CTIF: variants seen among roughly 807,000 people sequenced by gnomAD.
CTIF encodes CBP80/20-dependent translation initiation factor.
Under a neutral mutation model 66.0 loss-of-function variants are expected in CTIF, and 21 were observed. The ratio of observed to expected loss-of-function variants is 0.32; its 90% CI spans 0.23 to 0.46. The LOEUF is 0.46. Ranked by LOEUF, CTIF falls within the 20% of genes least tolerant of loss-of-function variation. The pLI, the probability that CTIF is intolerant of heterozygous loss-of-function variation, is 1.00. For synonymous variants in CTIF, 345 were observed against 326.4 expected (o/e 1.06, Z -0.62); for missense variants, 739 against 812.7 (o/e 0.91, Z 1.10).
chr18:48,742,166 C>T (rs1187392711), intron 7 of CTIF, among the ~76,000 whole-genome samples: 2 of 152,182 alleles, frequency 1.3e-5, no homozygotes, highest in Admixed American at 1.3e-4. Context: ...TTCTCATGGG[C>T]CAGGGTGACC....
chr18:48,665,820 G>A (rs2624160), intron 5 of CTIF, among the ~76,000 whole-genome samples: 18,466 of 152,174 alleles, frequency 0.12, 1,265 homozygotes, highest in African/African-American at 0.18. Flanking sequence ...CCTTTTCATG[G>A]CTGAATACTA....
intron 6 of CTIF, among the ~76,000 whole-genome samples, chr18:48,698,294 C>T (rs1036334239): frequency 1.3e-5 from 2 of 151,970 alleles, no homozygotes; most frequent in Non-Finnish European, 2.9e-5. Context: ...TGGAACCTGT[C>T]GCAGGAGATG....
At chr18:48,654,865 A>G (rs193070326) in intron 3 of CTIF, among the ~76,000 whole-genome samples, 2 of 152,142 alleles carry the variant, frequency 1.3e-5, no homozygotes, top group African/African-American at 4.8e-5. Flanking sequence ...TGAGCAAACT[A>G]TCACAAGGAC....
At chr18:48,576,569 A>G (rs1363754296) in intron 1 of CTIF, among the ~76,000 whole-genome samples, 1 of 152,142 alleles carries the variant, frequency 6.6e-6, no homozygotes, top group East Asian at 1.9e-4. Context: ...GGGAGAAGCC[A>G]CCTCTGAATG....
intron 8 of CTIF, among the ~76,000 whole-genome samples, chr18:48,758,755 AT>A (rs1908670143): frequency 6.6e-6 from 1 of 152,132 alleles, no homozygotes. Context: ...AGGGTTAGAT[AT>A]TGTTTGTGCT....
chr18:48,662,880 CCACGG>C (rs1054351378), intron 3 of CTIF, among the ~76,000 whole-genome samples: 17 of 152,054 alleles, frequency 1.1e-4, no homozygotes, highest in African/African-American at 4.1e-4. Context: ...TGTGAACATA[CCACGG>C]TTTATTTATC....
rs2277711 is a variant in CTIF, at chr18:48,636,531, C to G, written c.181-83C>G. ...CCACAGTCATGCTAATGGGGAAGGCCAGGGCACAACTCCTGCAGCCTGGCA... is the reference window on the plus strand; with the variant it reads ...CCACAGTCATGCTAATGGGGAAGGCGAGGGCACAACTCCTGCAGCCTGGCA... On this transcript the variant is annotated intron_variant, in intron 2 of 11. Coordinates refer to ENST00000256413, the MANE Select transcript of CTIF (RefSeq NM_014772.3). The G allele has an allele frequency of 2.7e-4, 280 of 1,029,294 alleles. 1 individual carries two copies. In the East Asian group the frequency reaches 6.1e-3, roughly 22 times the overall value. 63.8% of individuals were successfully genotyped at this position (1,029,294 alleles called of 1,614,324 possible).
chr18:48,699,392 A>ATGGGGCTGGGGCTGGGGCTGGGGC (rs61519043), intron 6 of CTIF, among the ~76,000 whole-genome samples: 27 of 104,636 alleles, frequency 2.6e-4, no homozygotes, highest in South Asian at 7.6e-4. Context: ...AAGTGCCAGC[A>ATGGGGCTGGGGCTGGGGCTGGGGC]TGGGGCTGGG....
In CTIF at chr18:48,789,345, G is replaced by A. The variant is rs2067742869; in HGVS notation, c.1371+27656G>A. ...GTTTCCTCACTGGTAAGATGAGGAT[G>A]GTAATAATGATTGGGTTGGATTGCT... On this transcript the variant is annotated intron_variant, in intron 9 of 11. Coordinates refer to ENST00000256413, the MANE Select transcript of CTIF (RefSeq NM_014772.3). 4.6e-5 allele frequency among the ~76,000 whole-genome samples: 7 copies of A among 151,874 alleles called. No homozygotes were observed. The South Asian group carries it at 1.5e-3, about 31-fold the overall frequency.
intron 6 of CTIF, among the ~76,000 whole-genome samples, chr18:48,694,286 A>G (rs2091974807): frequency 6.6e-6 from 1 of 152,256 alleles, no homozygotes; most frequent in South Asian, 2.1e-4. Context: ...ATTCCTGCCC[A>G]AGGACAATGG....
At chr18:48,547,953 A>T (rs1045283739) in intron 1 of CTIF, among the ~76,000 whole-genome samples, 1 of 152,158 alleles carries the variant, frequency 6.6e-6, no homozygotes, top group Admixed American at 6.5e-5. Flanking sequence ...GCTTATAAGT[A>T]AGTAACTTGG....
rs2092236990 is a variant in CTIF at position 48,712,538 on chromosome 18, C to T, written c.584+843C>T. 6.6e-5 allele frequency among the ~76,000 whole-genome samples: 10 copies of T among 151,814 alleles called. No homozygotes were observed. In the South Asian group the frequency reaches 2.1e-3, roughly 32 times the overall value. ...ATAAATTATTTCTGGATGGAAATAC[C>T]AAAAAAAGAACGAACAAAAAGGCTT... On this transcript the variant is annotated intron_variant, in intron 7 of 11. Transcript: ENST00000256413.
intron 6 of CTIF, among the ~76,000 whole-genome samples, chr18:48,675,688 GACA>G (rs2091616602): frequency 6.6e-6 from 1 of 152,004 alleles, no homozygotes; most frequent in African/African-American, 2.4e-5. Flanking sequence ...GCCAAGGCAT[GACA>G]CTCCTCCAGA....
chr18:48,815,438 A>G (rs2068342317), intron 9 of CTIF, among the ~76,000 whole-genome samples: 1 of 152,200 alleles, frequency 6.6e-6, no homozygotes, highest in African/African-American at 2.4e-5. Context: ...TATGTAAAAT[A>G]CCACAATTAA....
intron 2 of CTIF, chr18:48,621,695 C>T (rs2090496459): frequency 7.2e-6 from 2 of 278,650 alleles, no homozygotes; most frequent in South Asian, 2.9e-5. Context: ...GGGGAAGTTT[C>T]CACTGAGCGG....
In CTIF at chr18:48,676,670, G is replaced by T. The variant is rs566773215; in HGVS notation, c.507+5926G>T. On this transcript the variant is annotated intron_variant, in intron 6 of 11. Transcript: ENST00000256413. Reference sequence around the variant, plus strand: ...GTGCCCAAAGCATTCCCCATTGAGGGTCCCCAGAAGGCTCAGGGGACGGAA... The same window carrying T: ...GTGCCCAAAGCATTCCCCATTGAGGTTCCCCAGAAGGCTCAGGGGACGGAA... Among the ~76,000 whole-genome samples, 11 of 152,062 alleles carry T rather than the reference G, an allele frequency of 7.2e-5. No individual in the cohort carries two copies. In the South Asian group the frequency reaches 2.3e-3, roughly 32 times the overall value.
chr18:48,572,076 C>A (rs1054817454), intron 1 of CTIF, among the ~76,000 whole-genome samples: 9 of 150,284 alleles, frequency 6.0e-5, no homozygotes, highest in African/African-American at 2.2e-4. Flanking sequence ...CCTCACCGTT[C>A]CTCCTCCTCC....
At chr18:48,655,198 G>A (rs886118339) in intron 3 of CTIF, among the ~76,000 whole-genome samples, 11 of 151,252 alleles carry the variant, frequency 7.3e-5, no homozygotes, top group East Asian at 5.8e-4. Flanking sequence ...CCAGCAACTC[G>A]GGAGGTTGAG....
intron 7 of CTIF, among the ~76,000 whole-genome samples, chr18:48,753,587 C>T (rs1160680550): frequency 6.7e-6 from 1 of 150,134 alleles, no homozygotes; most frequent in Non-Finnish European, 1.5e-5. Context: ...CATAAACCGA[C>T]AATTTCCATT....
Sources: gnomAD v4.1 joint callset for allele counts (sites outside exome capture counted in the v4.1 genomes callset) on GRCh38, gnomAD v4.1.1 for gene constraint, MANE v1.5 for transcripts, NCBI Gene and HGNC (gene_info 2026-07-23, HGNC 2026-07-21) for gene names.